Variants in AKR1B1 observed in about 807,000 individuals in gnomAD.
The protein encoded by AKR1B1 is aldo-keto reductase family 1 member B.
Under a neutral mutation model 40.4 loss-of-function variants are expected in AKR1B1, and 22 were observed. That is an observed-to-expected ratio of 0.54 (90% confidence interval 0.39 to 0.78). The LOEUF (loss-of-function observed/expected upper bound fraction) is 0.78, where lower values mean the gene tolerates loss of function less well. Among genes scored for constraint, AKR1B1 ranks in the 30% least tolerant of loss-of-function variants. The pLI is 0.00. For synonymous variants in AKR1B1, 157 were observed against 149.9 expected, an observed-to-expected ratio of 1.05 and a Z score of -0.35; for missense variants, 357 against 396.7, an observed-to-expected ratio of 0.90 and a Z score of 0.85.
In AKR1B1 at chr7:134,448,422, G is replaced by A. The variant is rs372432846; in HGVS notation, c.624C>T (p.Thr208=). 2.5e-5 allele frequency: 40 copies of A among 1,613,734 alleles called. No homozygotes were observed. The highest frequency in any genetic ancestry group is 1.1e-4 in the East Asian group (5 of 44,876). Residue 208 remains threonine, a synonymous_variant, in exon 6 of 10, where the codon ACC becomes ACT. Transcript: ENST00000285930. ...QYCQSKGIVV[T]AYSPLGSPDR... ...CAGGAGAGCCGAGGGGGCTGTAGGC[G>A]GTCACCACGATGCCTTTGGACTGGC...
intron 1 of AKR1B1, among the ~76,000 whole-genome samples, chr7:134,452,615 G>A (rs974845103): frequency 1.3e-5 from 2 of 152,148 alleles, no homozygotes; most frequent in African/African-American, 4.8e-5. Flanking sequence ...TAGGCTGCAT[G>A]GACACGTATC....
chr7:134,450,923 A>G, intron 2 of AKR1B1, 21 bp from the exon 3 acceptor site: 1 of 1,592,754 alleles, frequency 6.3e-7, no homozygotes, highest in South Asian at 1.1e-5. Flanking sequence ...GAGAGGGCAC[A>G]TGTCATCATT....
intron 4 of AKR1B1, 21 bp from the exon 5 acceptor site, chr7:134,449,140 G>A (rs1240912707): frequency 6.2e-7 from 1 of 1,612,504 alleles, no homozygotes; most frequent in Non-Finnish European, 8.5e-7. Context: ...AAGTGTCTGT[G>A]TGGTGCAGAA....
intron 2 of AKR1B1, chr7:134,451,185 G>A (rs559543409): frequency 2.0e-4 from 112 of 557,148 alleles, no homozygotes; most frequent in Non-Finnish European, 3.4e-4. Context: ...CTTTCCCCCC[G>A]GGCTGGTGTT....
intron 1 of AKR1B1, among the ~76,000 whole-genome samples, chr7:134,456,201 T>A (rs183906614): frequency 1.3e-5 from 2 of 152,126 alleles, no homozygotes; most frequent in East Asian, 3.9e-4. Context: ...AAAGGTTTTT[T>A]TGTTTGGTTG....
chr7:134,456,254 C>T (rs1247294082), intron 1 of AKR1B1, among the ~76,000 whole-genome samples: 2 of 152,172 alleles, frequency 1.3e-5, no homozygotes, highest in Non-Finnish European at 2.9e-5. Context: ...GGCTGGAGTG[C>T]AGTGGCGGGA....
chr7:134,446,492 CAG>C (rs1806099294), intron 8 of AKR1B1, among the ~76,000 whole-genome samples: 1 of 152,244 alleles, frequency 6.6e-6, no homozygotes, highest in African/African-American at 2.4e-5. Flanking sequence ...TGGATAAAGA[CAG>C]AGCATCCCTG....
At position 134,450,832 on chromosome 7, in the gene AKR1B1, A is replaced by G; in HGVS notation, c.305T>C (p.Leu102Pro). The G allele has an allele frequency of 6.2e-7, 1 of 1,614,222 alleles. No homozygotes were observed. The highest frequency in any genetic ancestry group is 8.5e-7 in the Non-Finnish European group (1 of 1,180,030). Residue 102 changes from leucine to proline, a missense_variant, in exon 3 of 10, where the codon CTG becomes CCG. By Grantham distance (98) the Leu-to-Pro change is moderately conservative. Coordinates refer to ENST00000285930, the MANE Select transcript of AKR1B1 (RefSeq NM_001628.4). ...AATAAGGTAGAGGTCCAGGTAGTCC[A>G]GCTTCAGGTCGCTGAGTGTCTTCTG... is the stretch of plus-strand genomic sequence containing the variant. Reference protein sequence around the residue: ...ACQKTLSDLKLDYLDLYLIHW... With the variant: ...ACQKTLSDLKPDYLDLYLIHW...
Position 134,449,751 on chromosome 7 carries a change from G to C in AKR1B1, c.398C>G (p.Pro133Arg). The C allele has an allele frequency of 6.2e-7, 1 of 1,614,058 alleles. No homozygotes were observed. Among genetic ancestry groups the C allele is most frequent in the Non-Finnish European group, 8.5e-7 (1 of 1,179,976 alleles). Residue 133 changes from proline to arginine, a missense_variant, in exon 4 of 10, where the codon CCC becomes CGC. Pro to Arg is a moderately radical substitution (Grantham distance 103, BLOSUM62 -2). Coordinates refer to ENST00000285930, the MANE Select transcript of AKR1B1 (RefSeq NM_001628.4). The stretch of plus-strand genomic sequence containing the variant: ...CGTGTCCAGAATGTTGGTGTCACTG[G>C]GAACCACATTGCCCGACTCATCCAA... ...FPLDESGNVV[P>R]SDTNILDTWA...
intron 2 of AKR1B1, 197 bp downstream of exon 2, chr7:134,451,389 A>G: frequency 2.9e-6 from 2 of 690,034 alleles, no homozygotes; most frequent in South Asian, 1.7e-5. Flanking sequence ...ATGGGCCCAG[A>G]TGGAATGACC....
At chr7:134,443,002 T>C (rs1232835961) in intron 9 of AKR1B1, among the ~76,000 whole-genome samples, 1 of 152,078 alleles carries the variant, frequency 6.6e-6, no homozygotes, top group Non-Finnish European at 1.5e-5. Context: ...GACACCACCC[T>C]CCCCATGTGC....
intron 9 of AKR1B1, chr7:134,444,966 A>G (rs1806051152): frequency 7.1e-6 from 4 of 564,268 alleles, no homozygotes; most frequent in Non-Finnish European, 1.3e-5. Context: ...AGGATTTAAA[A>G]ATTGAATGGA....
In AKR1B1 at chr7:134,448,058, G is replaced by A. The variant is rs3210035; in HGVS notation, c.663C>T (p.Ala221=). The A allele has an allele frequency of 4.3e-6, 7 of 1,611,258 alleles. No homozygotes were observed. Among genetic ancestry groups the A allele is most frequent in the Non-Finnish European group, 5.9e-6 (7 of 1,179,202 alleles). ...CCAGGAGAGAAGGGTCCTCGGGCTT[G>A]GCCCTGAGGATAGAAAGACAGTCCA... ...SPLGSPDRPW[A]KPEDPSLLED... The change falls in exon 7 of 10, where the codon GCC becomes GCT. Residue 221 remains alanine (A), a synonymous_variant. Coordinates refer to ENST00000285930, the MANE Select transcript of AKR1B1 (RefSeq NM_001628.4).
chr7:134,452,776 C>T (rs569015429), intron 1 of AKR1B1, among the ~76,000 whole-genome samples: 1 of 152,308 alleles, frequency 6.6e-6, no homozygotes, highest in African/African-American at 2.4e-5. Flanking sequence ...CTGCAGACAT[C>T]TGTGTTTTGA....
chr7:134,453,495 T>C (rs1216122889), intron 1 of AKR1B1, among the ~76,000 whole-genome samples: 1 of 152,132 alleles, frequency 6.6e-6, no homozygotes, highest in South Asian at 2.1e-4. Flanking sequence ...TGTCAGCGGC[T>C]GTTGTTTGGG....
intron 1 of AKR1B1, among the ~76,000 whole-genome samples, chr7:134,458,141 C>T (rs981237466): frequency 6.6e-6 from 1 of 152,178 alleles, no homozygotes; most frequent in Admixed American, 6.5e-5. Context: ...TTCAGATAAT[C>T]AGGCTCAGGC....
At chr7:134,444,426 G>A (rs111628960) in intron 9 of AKR1B1, among the ~76,000 whole-genome samples, 1,976 of 152,352 alleles carry the variant, frequency 0.013, 52 homozygotes, top group African/African-American at 0.045. Context: ...CGGGGAGGGA[G>A]ATGGGACAGA....
At position 134,458,875 on chromosome 7, in the gene AKR1B1, G is replaced by A. The variant is rs1806578218; in HGVS notation, c.66+122C>T. On this transcript the variant is annotated intron_variant, in intron 1 of 9. Coordinates refer to ENST00000285930, the MANE Select transcript of AKR1B1 (RefSeq NM_001628.4). ...TGGGGACCCTGCAAGCCCGCGCGTGGCTCCCAGCACGCCGGGCGTCCGCGG... is the reference window on the plus strand; with the variant it reads ...TGGGGACCCTGCAAGCCCGCGCGTGACTCCCAGCACGCCGGGCGTCCGCGG... 25 of 1,184,286 alleles carry A rather than the reference G, an allele frequency of 2.1e-5. No individual in the cohort carries two copies. In the South Asian group the frequency reaches 3.3e-4, roughly 16 times the overall value. 73.4% of individuals were successfully genotyped at this position (1,184,286 alleles called of 1,614,324 possible).
intron 1 of AKR1B1, among the ~76,000 whole-genome samples, chr7:134,453,844 T>C (rs898996918): frequency 2.6e-5 from 4 of 152,152 alleles, no homozygotes; most frequent in Non-Finnish European, 5.9e-5. Flanking sequence ...ATGATCTCAA[T>C]GTACAGCCCT....
Sources: allele counts gnomAD v4.1 joint callset (sites outside exome capture counted in the v4.1 genomes callset), GRCh38; gene constraint gnomAD v4.1.1; transcripts MANE v1.5; gene names NCBI Gene and HGNC (gene_info 2026-07-23, HGNC 2026-07-21).